The following COG5 variants were observed in gnomAD, a reference collection of about 807,000 sequenced individuals.
The protein encoded by COG5 is component of oligomeric golgi complex 5, also known as conserved oligomeric Golgi complex subunit 5.
A neutral mutation model predicts 110.4 loss-of-function variants in COG5; 86 were observed. The observed-to-expected ratio is 0.78, with a 90% CI of 0.65 to 0.93. The LOEUF (loss-of-function observed/expected upper bound fraction) is 0.93. Ranked by LOEUF, COG5 falls within the 40% of genes least tolerant of loss-of-function variation. The pLI, the probability that COG5 is intolerant of heterozygous loss-of-function variation, is 0.00. For synonymous variants in COG5, 360 were observed against 334.6 expected (o/e 1.08, Z -0.83); for missense variants, 1,077 against 987.0 (o/e 1.09, Z -1.22).
chr7:107,554,517 AC>A (rs552734926), intron 2 of COG5, among the ~76,000 whole-genome samples, 175 bp from the exon 3 acceptor site: 179 of 152,226 alleles, frequency 1.2e-3, no homozygotes, highest in Non-Finnish European at 2.2e-3. Context: ...GAACACACAT[AC>A]ATTTACAGTT....
At chr7:107,420,070 T>G (rs757700150) in intron 6 of COG5, among the ~76,000 whole-genome samples, 3 of 152,238 alleles carry the variant, frequency 2.0e-5, no homozygotes, top group Non-Finnish European at 4.4e-5. Context: ...TTAAAAGTTA[T>G]TTCTTACAAA....
intron 16 of COG5, among the ~76,000 whole-genome samples, chr7:107,255,887 G>A (rs1802844220): frequency 1.3e-5 from 2 of 152,126 alleles, no homozygotes; most frequent in Admixed American, 1.3e-4. Flanking sequence ...AAAGATGGTG[G>A]CAAGGTGTAG....
chr7:107,288,915 T>C (rs6967639), intron 12 of COG5, among the ~76,000 whole-genome samples: 107 of 8,846 alleles, frequency 0.012, 1 homozygote, highest in African/African-American at 0.061. Flanking sequence ...GAGATATATA[T>C]ATATATATAT....
chr7:107,277,338 T>C (rs556918414), intron 14 of COG5, among the ~76,000 whole-genome samples: 2 of 152,176 alleles, frequency 1.3e-5, no homozygotes, highest in South Asian at 4.1e-4. Context: ...TTAGTTTCTG[T>C]TTCTGGTTAG....
At chr7:107,560,205 A>G (rs1803666918) in intron 1 of COG5, among the ~76,000 whole-genome samples, 1 of 152,184 alleles carries the variant, frequency 6.6e-6, no homozygotes. Context: ...ACACCATGGT[A>G]ATCAGCAAAC....
chr7:107,230,741 G>A (rs769557326), intron 18 of COG5, 50 bp from the exon 19 acceptor site: 1 of 1,408,390 alleles, frequency 7.1e-7, no homozygotes. Context: ...ATCATTAGGG[G>A]AATTTGGGAA....
intron 5 of COG5, among the ~76,000 whole-genome samples, chr7:107,532,983 T>C (rs1801318684): frequency 6.6e-6 from 1 of 152,190 alleles, no homozygotes; most frequent in Admixed American, 6.6e-5. Flanking sequence ...GATTTTTTTC[T>C]AGTCAGTCTT....
At chr7:107,441,909 T>C (rs1223874138) in intron 6 of COG5, among the ~76,000 whole-genome samples, 1 of 152,206 alleles carries the variant, frequency 6.6e-6, no homozygotes, top group Non-Finnish European at 1.5e-5. Flanking sequence ...AATAAACCTA[T>C]TGGTATGCAT....
intron 6 of COG5, among the ~76,000 whole-genome samples, chr7:107,488,944 C>A (rs188118078): frequency 3.4e-4 from 52 of 152,270 alleles, no homozygotes; most frequent in African/African-American, 1.3e-3. Context: ...TATAATGTCA[C>A]ATATATGAAA....
At chr7:107,377,066 A>T (rs1814697882) in intron 7 of COG5, among the ~76,000 whole-genome samples, 2 of 152,082 alleles carry the variant, frequency 1.3e-5, no homozygotes, top group South Asian at 4.1e-4. Context: ...ATTGACATTA[A>T]CCTGGCCTCA....
At chr7:107,318,483 A>G (rs529720989) in intron 11 of COG5, among the ~76,000 whole-genome samples, 1 of 152,362 alleles carries the variant, frequency 6.6e-6, no homozygotes, top group East Asian at 1.9e-4. Context: ...TTAAATTAAT[A>G]TGTGACAACA....
chr7:107,249,270 G>A (rs1291897563), intron 16 of COG5, among the ~76,000 whole-genome samples: 2 of 152,076 alleles, frequency 1.3e-5, no homozygotes, highest in Non-Finnish European at 2.9e-5. Flanking sequence ...CACAGTTGGG[G>A]ATGGGGGTAC....
chr7:107,414,885 G>A (rs901503210), intron 6 of COG5, among the ~76,000 whole-genome samples: 2 of 151,414 alleles, frequency 1.3e-5, no homozygotes, highest in Non-Finnish European at 2.9e-5. Flanking sequence ...ACGTCACGAC[G>A]CCTGGCTAAT....
intron 10 of COG5, among the ~76,000 whole-genome samples, chr7:107,357,965 G>A (rs889407611): frequency 6.6e-6 from 1 of 152,092 alleles, no homozygotes; most frequent in African/African-American, 2.4e-5. Flanking sequence ...CACTGTGCCT[G>A]GACTCATACG....
intron 6 of COG5, among the ~76,000 whole-genome samples, chr7:107,493,037 T>C (rs1798066692): frequency 6.6e-6 from 1 of 152,098 alleles, no homozygotes; most frequent in Non-Finnish European, 1.5e-5. Context: ...TTTTGGGAGA[T>C]GTTTAGCTCA....
chr7:107,381,884 G>A (rs1026747394), intron 7 of COG5, among the ~76,000 whole-genome samples: 7 of 152,086 alleles, frequency 4.6e-5, no homozygotes, highest in Admixed American at 2.6e-4. Context: ...TATACCCCCC[G>A]TGATCAAGAC....
At chr7:107,499,094 A>T (rs974027524) in intron 6 of COG5, among the ~76,000 whole-genome samples, 14 of 152,172 alleles carry the variant, frequency 9.2e-5, no homozygotes, top group Non-Finnish European at 7.4e-5. Flanking sequence ...TATCTAAAAT[A>T]GACAAATGCA....
At chr7:107,430,953 A>C (rs1793987083) in intron 6 of COG5, among the ~76,000 whole-genome samples, 1 of 152,160 alleles carries the variant, frequency 6.6e-6, no homozygotes, top group African/African-American at 2.4e-5. Flanking sequence ...AGGTGATACG[A>C]TGCAGGGCCA....
At chr7:107,208,701 C>G in intron 21 of COG5, 1 of 985,412 alleles carries the variant, frequency 1.0e-6, no homozygotes. Flanking sequence ...ATGTTCATAG[C>G]TGAGTAACAG....
Sources: gnomAD v4.1 joint callset for allele counts (sites outside exome capture counted in the v4.1 genomes callset) on GRCh38, gnomAD v4.1.1 for gene constraint, MANE v1.5 for transcripts, NCBI Gene and HGNC (gene_info 2026-07-23, HGNC 2026-07-21) for gene names.